The following FAM227B variants were observed in gnomAD, a reference collection of about 807,000 sequenced individuals.
FAM227B encodes the protein protein FAM227B.
Under a neutral mutation model 73.8 loss-of-function variants are expected in FAM227B, and 88 were observed. That is an observed-to-expected ratio of 1.19 (90% CI 1.00 to 1.42). FAM227B has a LOEUF of 1.42. Among genes scored for constraint, FAM227B ranks in the 40% most tolerant of loss-of-function variants. The probability of loss-of-function intolerance (pLI) is 0.00; values close to 1 mark genes in which losing one functional copy is unlikely to be tolerated. For synonymous variants in FAM227B, 210 were observed against 190.5 expected (o/e 1.10, Z -0.84); for missense variants, 632 against 590.9 (o/e 1.07, Z -0.72).
intron 11 of FAM227B, among the ~76,000 whole-genome samples, chr15:49,489,822 TTATATATATATATATATTTTATA>T (rs1265375257): frequency 0.014 from 441 of 32,308 alleles, 24 homozygotes; most frequent in East Asian, 0.035. Flanking sequence ...TATATATATT[TTATATATATATATATATTTTATA>T]TATATATATA....
At chr15:49,330,744 A>AG (rs2038538699) in intron 15 of FAM227B, 1 of 129,768 alleles carries the variant, frequency 7.7e-6, no homozygotes, top group East Asian at 2.4e-4. Flanking sequence ...AAGATAGACC[A>AG]AAAAAAAAAA....
At chr15:49,482,673 T>C (rs2056058181) in intron 11 of FAM227B, among the ~76,000 whole-genome samples, 1 of 152,086 alleles carries the variant, frequency 6.6e-6, no homozygotes, top group Non-Finnish European at 1.5e-5. Context: ...TTATCAGGTA[T>C]AAGAATTTGG....
chr15:49,549,985 G>C (rs542539713), intron 9 of FAM227B, among the ~76,000 whole-genome samples: 2 of 117,058 alleles, frequency 1.7e-5, no homozygotes, highest in South Asian at 5.3e-4. Context: ...CTCCCTCCCA[G>C]ACGGGGCGGC....
At chr15:49,564,187 CAGCCAATTCTCAAAAGA>C (rs2074464405) in intron 9 of FAM227B, among the ~76,000 whole-genome samples, 1 of 152,060 alleles carries the variant, frequency 6.6e-6, no homozygotes. Flanking sequence ...AGGAAAAGAA[CAGCCAATTCTCAAAAGA>C]AGACATACAC....
intron 13 of FAM227B, among the ~76,000 whole-genome samples, chr15:49,345,374 G>A (rs2041319256): frequency 1.3e-5 from 2 of 152,182 alleles, no homozygotes; most frequent in Middle Eastern, 3.2e-3. Flanking sequence ...GCTGCATGAT[G>A]TTGGTGTTGA....
intron 11 of FAM227B, among the ~76,000 whole-genome samples, chr15:49,442,469 G>T (rs1419178968): frequency 3.3e-5 from 5 of 151,628 alleles, no homozygotes; most frequent in African/African-American, 9.7e-5. Context: ...TTTCTCCTTA[G>T]ATTACTGTAT....
chr15:49,502,794 T>C (rs556925361), intron 11 of FAM227B, among the ~76,000 whole-genome samples: 1 of 152,292 alleles, frequency 6.6e-6, no homozygotes, highest in African/African-American at 2.4e-5. Flanking sequence ...ACAAATCTCA[T>C]GTTGAAATGT....
intron 11 of FAM227B, among the ~76,000 whole-genome samples, chr15:49,489,947 C>T (rs1367001663): frequency 7.5e-6 from 1 of 132,704 alleles, no homozygotes; most frequent in Non-Finnish European, 1.6e-5. Context: ...GAGAGAGAGA[C>T]ACCTAGGCCC....
At chr15:49,506,544 G>C (rs537420205) in intron 11 of FAM227B, among the ~76,000 whole-genome samples, 2 of 151,896 alleles carry the variant, frequency 1.3e-5, no homozygotes, top group Non-Finnish European at 1.5e-5. Context: ...ACCACATTCT[G>C]AACCATAAAA....
At chr15:49,512,936 CT>C (rs2152123548) in intron 10 of FAM227B, among the ~76,000 whole-genome samples, 1 of 152,196 alleles carries the variant, frequency 6.6e-6, no homozygotes, top group East Asian at 1.9e-4. Context: ...TGATCTGATT[CT>C]TTTTCGTGGC....
intron 10 of FAM227B, among the ~76,000 whole-genome samples, chr15:49,519,810 C>T (rs563940801): frequency 6.6e-6 from 1 of 152,154 alleles, no homozygotes; most frequent in African/African-American, 2.4e-5. Flanking sequence ...TAACAGTTGG[C>T]TCCTCATTAC....
intron 11 of FAM227B, among the ~76,000 whole-genome samples, chr15:49,427,487 T>A (rs1006288377): frequency 1.3e-5 from 2 of 152,062 alleles, no homozygotes; most frequent in African/African-American, 4.8e-5. Flanking sequence ...CAGGTTGTCA[T>A]GTCAATCACC....
chr15:49,614,986 C>A, intron 2 of FAM227B, 135 bp downstream of exon 2: 1 of 768,694 alleles, frequency 1.3e-6, no homozygotes, highest in Non-Finnish European at 2.3e-6. Flanking sequence ...ATCTGTGCAG[C>A]GAGCATTAAG....
At chr15:49,509,899 ATTTTCAT>A (rs1308075491) in intron 10 of FAM227B, among the ~76,000 whole-genome samples, 2 of 152,198 alleles carry the variant, frequency 1.3e-5, no homozygotes, top group East Asian at 1.9e-4. Flanking sequence ...ATATATTCTA[ATTTTCAT>A]TTTTCATTTT....
chr15:49,357,900 G>C (rs1272675885), intron 13 of FAM227B, among the ~76,000 whole-genome samples: 13 of 151,876 alleles, frequency 8.6e-5, no homozygotes, highest in Non-Finnish European at 1.9e-4. Flanking sequence ...TGATCAAGTG[G>C]GCTTCATCCC....
chr15:49,447,288 C>T (rs2052312588), intron 11 of FAM227B, among the ~76,000 whole-genome samples: 1 of 151,584 alleles, frequency 6.6e-6, no homozygotes, highest in Non-Finnish European at 1.5e-5. Flanking sequence ...AACTCTGTAA[C>T]ATGGCTGGCA....
chr15:49,517,522 G>A (rs963206010), intron 10 of FAM227B, among the ~76,000 whole-genome samples: 7 of 152,062 alleles, frequency 4.6e-5, no homozygotes, highest in African/African-American at 1.7e-4. Context: ...TCATTCATGA[G>A]AATTAGACTC....
intron 11 of FAM227B, among the ~76,000 whole-genome samples, chr15:49,497,346 A>G (rs1444721344): frequency 6.6e-6 from 1 of 152,328 alleles, no homozygotes; most frequent in South Asian, 2.1e-4. Context: ...GACTGTGTCC[A>G]GACTGGGGGT....
intron 14 of FAM227B, among the ~76,000 whole-genome samples, chr15:49,333,132 A>G (rs1295336248): frequency 1.3e-5 from 2 of 152,008 alleles, no homozygotes; most frequent in Non-Finnish European, 2.9e-5. Flanking sequence ...TTAGTTTACA[A>G]TCTCCCCTCT....
Sources: allele counts gnomAD v4.1 joint callset (sites outside exome capture counted in the v4.1 genomes callset), GRCh38; gene constraint gnomAD v4.1.1; transcripts MANE v1.5; gene names NCBI Gene and HGNC (gene_info 2026-07-23, HGNC 2026-07-21).